The following DSG4 variants were observed in gnomAD, a reference collection of about 807,000 sequenced individuals.
DSG4 encodes desmoglein 4, also known as desmoglein-4.
A neutral mutation model predicts 93.1 loss-of-function variants in DSG4; 87 were observed. That is an observed-to-expected ratio of 0.93 (90% CI 0.79 to 1.12). The LOEUF (loss-of-function observed/expected upper bound fraction) is 1.12. Among genes scored for constraint, DSG4 ranks in the 50% most tolerant of loss-of-function variants. The pLI is 0.00. For missense variants in DSG4, 1,373 were observed against 1,285.7 expected, an observed-to-expected ratio of 1.07 and a Z score of -1.04; for synonymous variants, 432 against 452.9, an observed-to-expected ratio of 0.95 and a Z score of 0.59.
Position 31,405,787 on chromosome 18 carries a change from G to C in DSG4, c.1637-290G>C, listed in dbSNP as rs549417933. Among the ~76,000 whole-genome samples the C allele has an allele frequency of 3.3e-5, 5 of 152,112 alleles. No homozygotes were observed. In the East Asian group the frequency reaches 9.7e-4, roughly 29 times the overall value. On this transcript the variant is annotated intron_variant, in intron 11 of 15. Coordinates refer to ENST00000308128, the MANE Select transcript of DSG4 (RefSeq NM_177986.5). ...TAGTCCCAGCTTCTCAGGAGACTGA[G>C]GTGGGAGAATCACTTAAACCTAGGA...
At position 31,412,968 on chromosome 18, in the gene DSG4, C is replaced by T; in HGVS notation, c.2496C>T (p.Cys832=). The T allele has an allele frequency of 6.2e-7, 1 of 1,614,158 alleles. No homozygotes were observed. The highest frequency in any genetic ancestry group is 1.1e-5 in the South Asian group (1 of 91,080). Residue 832 remains cysteine (C), a synonymous_variant, in exon 16 of 16, where the codon TGC becomes TGT. Coordinates refer to ENST00000308128, the MANE Select transcript of DSG4 (RefSeq NM_177986.5). ...SWIVDDLDES[C]METLDPKFRT... is the part of the protein sequence containing the mutation. Reference sequence around the variant, plus strand: ...TTGTGGATGACTTAGATGAAAGCTGCATGGAAACTTTAGATCCAAAATTTA... The same window carrying T: ...TTGTGGATGACTTAGATGAAAGCTGTATGGAAACTTTAGATCCAAAATTTA...
In DSG4 at chr18:31,414,577, G is replaced by T. The variant is rs931173497; in HGVS notation, c.*982G>T. On this transcript the variant is annotated 3_prime_UTR_variant, in exon 16 of 16. Transcript: ENST00000308128. ...TATACAGGTAAAGAAGACAGACATG[G>T]TTTCTGCCTTCATAGAGCTTCTATT... is the stretch of plus-strand genomic sequence containing the variant. 1.3e-5 allele frequency: 2 copies of T among 152,178 alleles called. No individual in the cohort carries two copies. Among genetic ancestry groups the T allele is most frequent in the African/African-American group, 2.4e-5 (1 of 41,460 alleles). The allele number at this position is 152,178 out of a possible 1,614,324, so 9.4% of individuals were successfully genotyped here. A position where few individuals can be genotyped will look rare whatever the true frequency, so the allele number is the denominator to read the frequency against.
chr18:31,386,806 A>G lies in DSG4; in HGVS notation c.203A>G (p.Asn68Ser), dbSNP rs1182101933. The change falls in exon 3 of 16, where the codon AAC becomes AGC. Residue 68 changes from asparagine (N) to serine (S), a missense_variant. Physicochemically the swap from Asn to Ser is conservative, Grantham distance 46. Transcript: ENST00000308128. ...CREGEDNSKR[N>S]PIAKIRSDCE... is the part of the protein sequence containing the mutation. Reference sequence around the variant, plus strand: ...GAAGGAGAGGACAACTCGAAGAGGAACCCCATTGCCAAAGTAAGTGATGAA... The same window carrying G: ...GAAGGAGAGGACAACTCGAAGAGGAGCCCCATTGCCAAAGTAAGTGATGAA... 6.2e-7 allele frequency: 1 copy of G among 1,613,248 alleles called. No individual in the cohort carries two copies. The highest frequency in any genetic ancestry group is 8.5e-7 in the Non-Finnish European group (1 of 1,179,338).
At position 31,376,875 on chromosome 18, in the gene DSG4, A is replaced by T. The variant is rs2144150355; in HGVS notation, c.-37A>T. On this transcript the variant is annotated 5_prime_UTR_variant, in exon 1 of 16. Transcript: ENST00000308128. ...CTGAGAAGACGAGGGCTCAAATTGA[A>T]TCTCACAGGATTTGCGTGCAAGAGA... is the stretch of plus-strand genomic sequence containing the variant. 1.2e-6 allele frequency: 2 copies of T among 1,612,908 alleles called. No homozygotes were observed. The highest frequency in any genetic ancestry group is 1.7e-6 in the Non-Finnish European group (2 of 1,179,132).
chr18:31,406,155 A>G lies in DSG4; in HGVS notation c.1715A>G (p.Tyr572Cys). ...YEIPILVKDSYNRACELAQMV... is the reference protein window; with the variant it reads ...YEIPILVKDSCNRACELAQMV... The stretch of plus-strand genomic sequence containing the variant: ...ATCCCAATCCTGGTGAAGGACAGCT[A>G]TAACAGAGCATGTGAATTGGCACAA... The change falls in exon 12 of 16, where the codon TAT becomes TGT. Residue 572 changes from tyrosine to cysteine, a missense_variant. By Grantham distance (194) the Tyr-to-Cys change is radical (BLOSUM62 -2). Coordinates refer to ENST00000308128, the MANE Select transcript of DSG4 (RefSeq NM_177986.5). 2 of 1,614,174 alleles carry G rather than the reference A, an allele frequency of 1.2e-6. No homozygotes were observed. Among genetic ancestry groups the G allele is most frequent in the Non-Finnish European group, 1.7e-6 (2 of 1,180,034 alleles).
intron 1 of DSG4, among the ~76,000 whole-genome samples, chr18:31,384,634 G>T (rs1474425440): frequency 1.3e-5 from 2 of 152,136 alleles, no homozygotes; most frequent in African/African-American, 4.8e-5. Context: ...CAGGGCAACA[G>T]CATGTAGATT....
Position 31,388,255 on chromosome 18 carries a change from G to A in DSG4, c.217-112G>A, listed in dbSNP as rs1199081111. 5 of 1,248,236 alleles carry A rather than the reference G, an allele frequency of 4.0e-6. No homozygotes were observed. The African/African-American group carries it at 5.9e-5, about 15-fold the overall frequency. 77.3% of individuals were successfully genotyped at this position (1,248,236 alleles called of 1,614,324 possible). A position where few individuals can be genotyped will look rare whatever the true frequency, so the allele number is the denominator to read the frequency against. On this transcript the variant is annotated intron_variant, in intron 3 of 15. Transcript: ENST00000308128. ...ACACAGGACTAAGTCATGGTGTCAG[G>A]TTTCAATCCAAAGCCCATTTGGTAA...
At chr18:31,399,960 G>A (rs546479729) in intron 9 of DSG4, among the ~76,000 whole-genome samples, 1 of 152,188 alleles carries the variant, frequency 6.6e-6, no homozygotes, top group South Asian at 2.1e-4. Flanking sequence ...TCAATCCTCT[G>A]CTTAATCTAA....
In DSG4 at chr18:31,414,501, A is replaced by C. The variant is rs1431191165; in HGVS notation, c.*906A>C. The stretch of plus-strand genomic sequence containing the variant: ...TCTGTAGTTATTCATATATTCTACA[A>C]TATTTACTTAGAAGCAACTAGGTGT... On this transcript the variant is annotated 3_prime_UTR_variant, in exon 16 of 16. Coordinates refer to ENST00000308128, the MANE Select transcript of DSG4 (RefSeq NM_177986.5). The C allele has an allele frequency of 6.6e-6, 1 of 152,224 alleles. No individual in the cohort carries two copies. The highest frequency in any genetic ancestry group is 2.4e-5 in the African/African-American group (1 of 41,458). 9.4% of individuals were successfully genotyped at this position (152,224 alleles called of 1,614,324 possible). A position where few individuals can be genotyped will look rare whatever the true frequency, so the allele number is the denominator to read the frequency against.
chr18:31,409,539 G>T lies in DSG4; in HGVS notation c.2021G>T (p.Gly674Val). 1 of 1,614,178 alleles carries T rather than the reference G, an allele frequency of 6.2e-7. No homozygotes were observed. The highest frequency in any genetic ancestry group is 1.1e-5 in the South Asian group (1 of 91,060). Residue 674 changes from glycine to valine, a missense_variant, in exon 13 of 16, where the codon GGA becomes GTA. Physicochemically the swap from Gly to Val is moderately radical, Grantham distance 109. Coordinates refer to ENST00000308128, the MANE Select transcript of DSG4 (RefSeq NM_177986.5). ...GTRFAPVPEG[G>V]EGVMQSWRIE... ...AGATTTGCTCCTGTGCCTGAGGGCG[G>T]AGAAGGAGTGATGCAGTCTTGGAGA...
chr18:31,405,513 A>T (rs1017626231), intron 11 of DSG4, among the ~76,000 whole-genome samples: 6 of 152,120 alleles, frequency 3.9e-5, no homozygotes, highest in African/African-American at 1.4e-4. Context: ...TGCCTGCATT[A>T]TAGAAGTAGC....
Position 31,406,276 on chromosome 18 carries a change from G to A in DSG4, c.1836G>A (p.Thr612=), listed in dbSNP as rs753168589. 55 of 1,614,084 alleles carry A rather than the reference G, an allele frequency of 3.4e-5. No individual in the cohort carries two copies. The highest frequency in any genetic ancestry group is 6.7e-5 in the African/African-American group (5 of 74,930). Residue 612 remains threonine (T), a synonymous_variant, in exon 12 of 16, where the codon ACG becomes ACA. Coordinates refer to ENST00000308128, the MANE Select transcript of DSG4 (RefSeq NM_177986.5). The part of the protein sequence containing the change: ...GIYTEDITGD[T]YGPVTEDQAG... ...ACACAGAGGACATAACTGGTGACACGTATGGGCCTGTCACTGAAGACCAAG... is the reference window on the plus strand; with the variant it reads ...ACACAGAGGACATAACTGGTGACACATATGGGCCTGTCACTGAAGACCAAG...
chr18:31,398,095 C>T (rs2072325260), intron 8 of DSG4, among the ~76,000 whole-genome samples: 1 of 148,206 alleles, frequency 6.7e-6, no homozygotes, highest in East Asian at 2.0e-4. Context: ...GCATGGAATT[C>T]TATTAAATAA....
chr18:31,385,187 A>T lies in DSG4; in HGVS notation c.84+16A>T. The T allele has an allele frequency of 6.5e-7, 1 of 1,547,490 alleles. No homozygotes were observed. Among genetic ancestry groups the T allele is most frequent in the Non-Finnish European group, 8.8e-7 (1 of 1,132,534 alleles). On this transcript the variant is annotated intron_variant, in intron 2 of 15. Transcript: ENST00000308128. ...TATTGTTGAGGTAATGTAAAATAAA[A>T]TTATTTTCTCAATTTAAAATTAAAA...
At chr18:31,403,351 G>A in intron 10 of DSG4, 65 bp from the exon 11 acceptor site, 1 of 1,302,690 alleles carries the variant, frequency 7.7e-7, no homozygotes, top group South Asian at 1.2e-5. Flanking sequence ...ATCATCAGGG[G>A]ATATGAGAAA....
chr18:31,384,855 A>G (rs1280516765), intron 1 of DSG4, among the ~76,000 whole-genome samples: 1 of 152,120 alleles, frequency 6.6e-6, no homozygotes, highest in East Asian at 1.9e-4. Context: ...AGTCCTCTTG[A>G]AATTCACTTG....
intron 8 of DSG4, among the ~76,000 whole-genome samples, chr18:31,396,948 G>C (rs2072312347): frequency 1.3e-5 from 2 of 152,122 alleles, no homozygotes; most frequent in South Asian, 4.1e-4. Flanking sequence ...ACCAGGAAAT[G>C]AGCCTTCCTG....
Position 31,413,703 on chromosome 18 carries a change from A to C in DSG4, c.*108A>C, listed in dbSNP as rs2072525940. 1.7e-5 allele frequency: 24 copies of C among 1,397,654 alleles called. No individual in the cohort carries two copies. The highest frequency in any genetic ancestry group is 3.9e-4 in the Middle Eastern group (2 of 5,158). 86.6% of individuals were successfully genotyped at this position (1,397,654 alleles called of 1,614,324 possible). On this transcript the variant is annotated 3_prime_UTR_variant, in exon 16 of 16. Coordinates refer to ENST00000308128, the MANE Select transcript of DSG4 (RefSeq NM_177986.5). ...ATATATTAATAGTCAACAAATACTC[A>C]GATATTCTAAGGTCAATGCCATTAT... is the stretch of plus-strand genomic sequence containing the variant.
At chr18:31,401,231 CTG>C (rs1209304973) in intron 10 of DSG4, among the ~76,000 whole-genome samples, 1 of 152,052 alleles carries the variant, frequency 6.6e-6, no homozygotes, top group African/African-American at 2.4e-5. Context: ...ACTTCCAAAA[CTG>C]AGTTGTATAT....
Sources: allele counts gnomAD v4.1 joint callset (sites outside exome capture counted in the v4.1 genomes callset), GRCh38; gene constraint gnomAD v4.1.1; transcripts MANE v1.5; gene names NCBI Gene and HGNC (gene_info 2026-07-23, HGNC 2026-07-21).